GABRB1: variants seen among roughly 807,000 people sequenced by gnomAD.
GABRB1 encodes the protein gamma-aminobutyric acid type A receptor subunit beta1.
In GABRB1, 17 loss-of-function variants were observed where a neutral mutation model predicts 51.6. That is an observed-to-expected ratio of 0.33 (90% CI 0.23 to 0.49). The LOEUF is 0.49. Among genes scored for constraint, GABRB1 ranks in the 20% least tolerant of loss-of-function variants. The probability of loss-of-function intolerance (pLI) is 0.99; values close to 1 mark genes in which losing one functional copy is unlikely to be tolerated. For missense variants in GABRB1, 410 were observed against 600.6 expected, an observed-to-expected ratio of 0.68 and a Z score of 3.32; for synonymous variants, 247 against 218.9, an observed-to-expected ratio of 1.13 and a Z score of -1.14.
At chr4:47,198,353 G>A (rs1043376275) in intron 4 of GABRB1, among the ~76,000 whole-genome samples, 35 of 152,272 alleles carry the variant, frequency 2.3e-4, no homozygotes, top group African/African-American at 8.4e-4. Flanking sequence ...ATGTGGCTTT[G>A]TAAATGGATA....
chr4:47,038,291 A>G (rs1252900581), intron 3 of GABRB1, among the ~76,000 whole-genome samples: 5 of 152,134 alleles, frequency 3.3e-5, no homozygotes, highest in Non-Finnish European at 7.4e-5. Flanking sequence ...CATTATTTTA[A>G]TTAGTCATGG....
chr4:47,356,765 C>T (rs1022133287), intron 5 of GABRB1, among the ~76,000 whole-genome samples: 1 of 152,004 alleles, frequency 6.6e-6, no homozygotes, highest in African/African-American at 2.4e-5. Flanking sequence ...GATAATGCCA[C>T]CCAGAATTGA....
intron 5 of GABRB1, among the ~76,000 whole-genome samples, chr4:47,354,988 T>G (rs1313881558): frequency 4.6e-5 from 6 of 130,838 alleles, no homozygotes; most frequent in African/African-American, 1.8e-4. Context: ...TTGTTTTTTT[T>G]TTTTTTTTTT....
intron 4 of GABRB1, among the ~76,000 whole-genome samples, chr4:47,288,821 C>G (rs1303950405): frequency 1.3e-5 from 2 of 152,110 alleles, no homozygotes; most frequent in African/African-American, 4.8e-5. Context: ...GGTAACTTGC[C>G]CAACGTCAAC....
At chr4:47,270,524 G>A (rs1722832597) in intron 4 of GABRB1, among the ~76,000 whole-genome samples, 2 of 152,132 alleles carry the variant, frequency 1.3e-5, no homozygotes, top group African/African-American at 4.8e-5. Flanking sequence ...GGAGTGGGGA[G>A]GGAAACATTA....
At chr4:47,015,916 G>C (rs28378024) in intron 1 of GABRB1, among the ~76,000 whole-genome samples, 3,649 of 152,174 alleles carry the variant, frequency 0.024, 133 homozygotes, top group African/African-American at 0.084. Context: ...AATATATTCA[G>C]CTAACGGTAG....
intron 3 of GABRB1, among the ~76,000 whole-genome samples, chr4:47,070,898 T>C (rs1727308215): frequency 6.6e-6 from 1 of 152,186 alleles, no homozygotes; most frequent in Non-Finnish European, 1.5e-5. Context: ...CAGCATGAAT[T>C]CCAGACTCTT....
intron 1 of GABRB1, among the ~76,000 whole-genome samples, chr4:47,015,939 A>T (rs1002833335): frequency 4.6e-5 from 7 of 152,224 alleles, no homozygotes; most frequent in South Asian, 2.1e-4. Context: ...CTATGGTAAA[A>T]AGTGTACAAA....
chr4:47,167,764 G>A (rs577904740), intron 4 of GABRB1, among the ~76,000 whole-genome samples: 100 of 152,142 alleles, frequency 6.6e-4, no homozygotes, highest in South Asian at 8.3e-4. Context: ...TTTGTCTCCC[G>A]TGCCCACTTT....
intron 4 of GABRB1, among the ~76,000 whole-genome samples, chr4:47,299,111 T>C (rs371406920): frequency 6.6e-6 from 1 of 151,810 alleles, no homozygotes; most frequent in Non-Finnish European, 1.5e-5. Context: ...AAGATTTAAA[T>C]GTTAGACCTA....
chr4:47,401,517 G>A (rs1728383315), intron 5 of GABRB1, among the ~76,000 whole-genome samples: 1 of 152,112 alleles, frequency 6.6e-6, no homozygotes, highest in African/African-American at 2.4e-5. Flanking sequence ...AGGACTCCAT[G>A]CCACCAGTCC....
intron 3 of GABRB1, among the ~76,000 whole-genome samples, chr4:47,054,058 A>T (rs1007274710): frequency 6.6e-6 from 1 of 152,090 alleles, no homozygotes; most frequent in African/African-American, 2.4e-5. Flanking sequence ...ACTTTTTTAA[A>T]AAAAAAAAGC....
chr4:47,122,958 A>G (rs1248505568), intron 3 of GABRB1, among the ~76,000 whole-genome samples: 1 of 152,186 alleles, frequency 6.6e-6, no homozygotes, highest in African/African-American at 2.4e-5. Context: ...TATATAGTGT[A>G]AAAGCTTGGG....
intron 3 of GABRB1, among the ~76,000 whole-genome samples, chr4:47,110,091 G>A (rs1347927834): frequency 1.3e-5 from 2 of 152,152 alleles, no homozygotes; most frequent in Non-Finnish European, 2.9e-5. Context: ...TTCAGGAACA[G>A]CAAGGAACCT....
intron 4 of GABRB1, among the ~76,000 whole-genome samples, chr4:47,312,867 T>C (rs1724754353): frequency 6.6e-6 from 1 of 152,182 alleles, no homozygotes; most frequent in African/African-American, 2.4e-5. Context: ...TATTTGTGTG[T>C]GTGTGTAAAA....
chr4:47,225,683 G>T (rs1368014786), intron 4 of GABRB1, among the ~76,000 whole-genome samples: 1 of 152,078 alleles, frequency 6.6e-6, no homozygotes, highest in Non-Finnish European at 1.5e-5. Context: ...AGGCAAAAGT[G>T]CCTCTCTTTG....
At chr4:47,373,015 A>C (rs550234321) in intron 5 of GABRB1, among the ~76,000 whole-genome samples, 7 of 152,244 alleles carry the variant, frequency 4.6e-5, no homozygotes, top group African/African-American at 1.7e-4. Context: ...GAGGGTCCAC[A>C]TGTCCTTCTC....
At chr4:47,153,582 T>C (rs1348932176) in intron 3 of GABRB1, among the ~76,000 whole-genome samples, 1 of 152,078 alleles carries the variant, frequency 6.6e-6, no homozygotes, top group African/African-American at 2.4e-5. Flanking sequence ...CAGAGTTTCA[T>C]ATACTGAGTC....
At chr4:47,414,097 T>A (rs1192598583) in intron 8 of GABRB1, among the ~76,000 whole-genome samples, 3 of 152,220 alleles carry the variant, frequency 2.0e-5, no homozygotes, top group Non-Finnish European at 2.9e-5. Context: ...TTGGGTGGTC[T>A]GTGAGCAGAG....
Sources: gnomAD v4.1 joint callset for allele counts (sites outside exome capture counted in the v4.1 genomes callset) on GRCh38, gnomAD v4.1.1 for gene constraint, MANE v1.5 for transcripts, NCBI Gene and HGNC (gene_info 2026-07-23, HGNC 2026-07-21) for gene names.